Variants in SPG11 observed in about 807,000 individuals in gnomAD.
SPG11 encodes the protein SPG11 vesicle trafficking associated, spatacsin, also known as spatacsin.
A neutral mutation model predicts 274.0 loss-of-function variants in SPG11; 222 were observed. The observed-to-expected ratio is 0.81, with a 90% CI of 0.73 to 0.91. The LOEUF (loss-of-function observed/expected upper bound fraction) is 0.91. Ranked by LOEUF, SPG11 falls within the 40% of genes least tolerant of loss-of-function variation. The pLI is 0.00. For missense variants in SPG11, 3,114 were observed against 2,872.7 expected (o/e 1.08, Z -1.92); for synonymous variants, 1,144 against 1,039.7 (o/e 1.10, Z -1.93).
chr15:44,600,537 C>T lies in SPG11; in HGVS notation c.3616G>A (p.Gly1206Arg), dbSNP rs1291602088. The part of the protein sequence containing the change: ...RLNFAYYLHN[G>R]RPSFAFGTFL... ...GTACCAAATGCAAATGATGGCCGCC[C>T]ATTATGTAAATAATAAGCAAAATTC... Residue 1206 changes from glycine to arginine, a missense_variant, in exon 21 of 40, where the codon GGG (glycine) becomes AGG (arginine). Coordinates refer to ENST00000261866, the MANE Select transcript of SPG11 (RefSeq NM_025137.4). The T allele has an allele frequency of 2.5e-6, 4 of 1,614,012 alleles. No homozygotes were observed. In the Admixed American group the frequency reaches 5.0e-5, roughly 20 times the overall value.
At chr15:44,607,585 A>G (rs1215396817) in intron 19 of SPG11, among the ~76,000 whole-genome samples, 1 of 152,216 alleles carries the variant, frequency 6.6e-6, no homozygotes, top group Non-Finnish European at 1.5e-5. Flanking sequence ...TAGAATTATA[A>G]ACCTTACGTT....
rs1319079895 is a variant in SPG11 at position 44,659,079 on chromosome 15, A to G, written c.667T>C (p.Tyr223His). ...TCAACACTTCTACCACCAAGGATAC[A>G]GATCCAGCCTAAACTACTCAAAACA... ...LFVLSSLGWI[Y>H]IFDVVDGTYV... Residue 223 changes from tyrosine (Y) to histidine (H), a missense_variant and splice_region_variant, in exon 3 of 40, where the codon TAC becomes CAC. Physicochemically the swap from Tyr to His is moderately conservative, Grantham distance 83 (BLOSUM62 2). Coordinates refer to ENST00000261866, the MANE Select transcript of SPG11 (RefSeq NM_025137.4). 1.2e-6 allele frequency: 2 copies of G among 1,613,850 alleles called. No homozygotes were observed. Among genetic ancestry groups the G allele is most frequent in the African/African-American group, 2.7e-5 (2 of 74,954 alleles).
At chr15:44,591,947 T>A (rs1337758567) in intron 27 of SPG11, among the ~76,000 whole-genome samples, 1 of 152,026 alleles carries the variant, frequency 6.6e-6, no homozygotes, top group Non-Finnish European at 1.5e-5. Flanking sequence ...CTGTCTCTAC[T>A]AAAAATACAA....
intron 16 of SPG11, among the ~76,000 whole-genome samples, chr15:44,614,390 C>T (rs1004343171): frequency 1.3e-5 from 2 of 152,056 alleles, no homozygotes; most frequent in Non-Finnish European, 1.5e-5. Flanking sequence ...CTATGCCTGG[C>T]TGATTTACTT....
intron 29 of SPG11, 51 bp downstream of exon 29, chr15:44,585,585 G>C (rs761553370): frequency 6.8e-7 from 1 of 1,478,656 alleles, no homozygotes; most frequent in Non-Finnish European, 9.2e-7. Flanking sequence ...CTGGGTGACA[G>C]AGCAAGACCC....
At position 44,663,591 on chromosome 15, in the gene SPG11, G is replaced by C. The variant is rs1380799323; in HGVS notation, c.57C>G (p.Thr19=). The change falls in exon 1 of 40, where the codon ACC becomes ACG. Residue 19 remains threonine, a synonymous_variant. Coordinates refer to ENST00000261866, the MANE Select transcript of SPG11 (RefSeq NM_025137.4). ...SAASAGGSWG[T]AAMGRVLPML... is the part of the protein sequence containing the mutation. ...TCGGTAGAACCCGCCCCATGGCCGC[G>C]GTGCCCCAGCTACCGCCGGCGGAAG... 1 of 1,596,564 alleles carries C rather than the reference G, an allele frequency of 6.3e-7. No homozygotes were observed. Among genetic ancestry groups the C allele is most frequent in the Non-Finnish European group, 8.5e-7 (1 of 1,174,656 alleles).
intron 23 of SPG11, chr15:44,597,208 G>A: frequency 2.9e-6 from 1 of 346,132 alleles, no homozygotes; most frequent in Non-Finnish European, 5.5e-6. Context: ...CCGCCTCCTG[G>A]GTTCAAGCAG....
rs376817637 is a variant in SPG11 at position 44,572,748 on chromosome 15, C to T, written c.6278G>A (p.Arg2093His). 6.9e-5 allele frequency: 112 copies of T among 1,614,018 alleles called. No homozygotes were observed. Among genetic ancestry groups the T allele is most frequent in the Middle Eastern group, 1.6e-4 (1 of 6,062 alleles). Residue 2093 changes from arginine (R) to histidine (H), a missense_variant, in exon 33 of 40, where the codon CGC (arginine) becomes CAC (histidine). Physicochemically the swap from Arg to His is conservative, Grantham distance 29 (BLOSUM62 0). Transcript: ENST00000261866. ...FLQLTTLCQDRTLVGMKLLDK... is the reference protein window; with the variant it reads ...FLQLTTLCQDHTLVGMKLLDK... ...CAACAACTTCATGCCTACCAATGTG[C>T]GGTCTTGACACAGAGTGGTCAGCTG...
At chr15:44,601,299 C>T (rs761338667) in intron 20 of SPG11, among the ~76,000 whole-genome samples, 7 of 151,738 alleles carry the variant, frequency 4.6e-5, no homozygotes, top group Non-Finnish European at 8.8e-5. Context: ...CTGGCTCTGT[C>T]GCCCAGACTG....
intron 27 of SPG11, 86 bp from the exon 28 acceptor site, chr15:44,589,500 G>A: frequency 6.5e-7 from 1 of 1,533,904 alleles, no homozygotes; most frequent in South Asian, 1.1e-5. Context: ...CTCTAAGAAA[G>A]CTAAAATTCC....
chr15:44,589,887 C>A (rs1356390504), intron 27 of SPG11, among the ~76,000 whole-genome samples: 3 of 152,210 alleles, frequency 2.0e-5, no homozygotes, highest in Admixed American at 6.5e-5. Flanking sequence ...CTCACTGTAA[C>A]CTCTGCCTCC....
intron 30 of SPG11, among the ~76,000 whole-genome samples, chr15:44,578,306 C>T (rs937919338): frequency 2.6e-5 from 4 of 151,520 alleles, no homozygotes; most frequent in African/African-American, 9.7e-5. Context: ...GCTGGGATTA[C>T]AGGCGTGAGC....
intron 15 of SPG11, among the ~76,000 whole-genome samples, chr15:44,617,131 A>T (rs1457007317): frequency 6.6e-6 from 1 of 152,174 alleles, no homozygotes. Context: ...GGAGGGCTCC[A>T]TCAGGAGATA....
chr15:44,566,277 C>T lies in SPG11; in HGVS notation c.6783G>A (p.Leu2261=), dbSNP rs1239215346. 1 of 1,614,192 alleles carries T rather than the reference C, an allele frequency of 6.2e-7. No individual in the cohort carries two copies. Among genetic ancestry groups the T allele is most frequent in the Non-Finnish European group, 8.5e-7 (1 of 1,180,032 alleles). Residue 2261 remains leucine, a synonymous_variant, in exon 37 of 40, where the codon CTG becomes CTA. Transcript: ENST00000261866. ...WEDSLKDGHQ[L]KQLLLKALTL... is the part of the protein sequence containing the mutation. ...TCAGGGCCTTCAGCAGCAGTTGTTT[C>T]AGCTGGTGCCCATCCTTGAGGCTGT...
At chr15:44,579,730 C>T (rs1165365350) in intron 30 of SPG11, among the ~76,000 whole-genome samples, 1 of 151,948 alleles carries the variant, frequency 6.6e-6, no homozygotes, top group East Asian at 1.9e-4. Context: ...AGCAAAGAAA[C>T]AGATATGAAG....
intron 19 of SPG11, 31 bp from the exon 20 acceptor site, chr15:44,606,122 G>C (rs1169081831): frequency 1.3e-6 from 2 of 1,592,328 alleles, no homozygotes; most frequent in Middle Eastern, 1.7e-4. Context: ...AACAGAATTA[G>C]AAGTTCACTG....
At chr15:44,644,869 A>C in intron 7 of SPG11, among the ~76,000 whole-genome samples, 1 of 152,238 alleles carries the variant, frequency 6.6e-6, no homozygotes, top group East Asian at 1.9e-4. Context: ...ACAGTTAGAG[A>C]GATGAAAGAT....
chr15:44,589,836 C>T (rs1437701927), intron 27 of SPG11, among the ~76,000 whole-genome samples: 1 of 152,250 alleles, frequency 6.6e-6, no homozygotes, highest in African/African-American at 2.4e-5. Flanking sequence ...GACGCAGTCT[C>T]ACTCTGTTGC....
At chr15:44,597,643 G>T (rs2083079425) in intron 23 of SPG11, among the ~76,000 whole-genome samples, 1 of 152,192 alleles carries the variant, frequency 6.6e-6, no homozygotes, top group East Asian at 1.9e-4. Context: ...CCTCACCAGG[G>T]GTAGGGTACA....
Sources: gnomAD v4.1 joint callset for allele counts (sites outside exome capture counted in the v4.1 genomes callset) on GRCh38, gnomAD v4.1.1 for gene constraint, MANE v1.5 for transcripts, NCBI Gene and HGNC (gene_info 2026-07-23, HGNC 2026-07-21) for gene names.